Variants in MYO18B observed in about 807,000 individuals in gnomAD.
The protein encoded by MYO18B is myosin XVIIIB, also known as unconventional myosin-XVIIIb.
In MYO18B, 204 loss-of-function variants were observed where a neutral mutation model predicts 273.0. That is an observed-to-expected ratio of 0.75 (90% CI 0.67 to 0.84). The LOEUF is 0.84. MYO18B is among the 40% of genes least tolerant of loss of function. The pLI, the probability that MYO18B is intolerant of heterozygous loss-of-function variation, is 0.00. For synonymous variants in MYO18B, 1,330 were observed against 1,305.7 expected, an observed-to-expected ratio of 1.02 and a Z score of -0.40; for missense variants, 3,212 against 3,287.6, an observed-to-expected ratio of 0.98 and a Z score of 0.56.
rs398036691 is a variant in MYO18B at position 25,814,294 on chromosome 22, C to CTTTTTTTTTTTTTTTTTTTT, written c.2522-9187_2522-9168dup. ...GCTTGCCATGCTCCCAGGCACCGTTCTTTTTTTTTTTTTTTTTTTTTTTTT... is the reference window on the plus strand; with the variant it reads ...GCTTGCCATGCTCCCAGGCACCGTTCTTTTTTTTTTTTTTTTTTTTTTTTTTTTTTTTTTTTTTTTTTTTT... On this transcript the variant is annotated intron_variant, in intron 12 of 43. Transcript: ENST00000335473. Among the ~76,000 whole-genome samples, 5 of 59,432 alleles carry CTTTTTTTTTTTTTTTTTTTT rather than the reference C, an allele frequency of 8.4e-5. 1 individual carries two copies. The highest frequency in any genetic ancestry group is 6.4e-4 in the South Asian group (1 of 1,560). 39.0% of individuals were successfully genotyped at this position (59,432 alleles called of 152,430 possible).
At chr22:25,904,648 A>G (rs781755196) in intron 31 of MYO18B, among the ~76,000 whole-genome samples, 3 of 152,246 alleles carry the variant, frequency 2.0e-5, no homozygotes, top group Non-Finnish European at 4.4e-5. Flanking sequence ...TCTGCAAAGT[A>G]CCAGATGAAT....
At chr22:25,764,735 G>A (rs1394918525) in intron 3 of MYO18B, among the ~76,000 whole-genome samples, 2 of 152,320 alleles carry the variant, frequency 1.3e-5, no homozygotes, top group East Asian at 1.9e-4. Flanking sequence ...AGTTGACCCC[G>A]GCAGGCTGTT....
At chr22:25,808,842 T>C (rs556149325) in intron 12 of MYO18B, among the ~76,000 whole-genome samples, 2 of 152,260 alleles carry the variant, frequency 1.3e-5, no homozygotes, top group South Asian at 4.1e-4. Context: ...TGAACTTGAG[T>C]ATTTAAAGCT....
At chr22:25,864,316 C>G (rs1401040999) in intron 21 of MYO18B, among the ~76,000 whole-genome samples, 3 of 152,138 alleles carry the variant, frequency 2.0e-5, no homozygotes, top group African/African-American at 7.2e-5. Context: ...AGTATTGAAC[C>G]TGTGGTTGTT....
At chr22:25,776,657 C>T (rs1308731691) in intron 7 of MYO18B, among the ~76,000 whole-genome samples, 2 of 152,160 alleles carry the variant, frequency 1.3e-5, no homozygotes, top group Non-Finnish European at 2.9e-5. Context: ...TCCTAGTTCA[C>T]TAGTTGAAGG....
intron 42 of MYO18B, chr22:26,006,657 C>T (rs1004535): frequency 0.25 from 37,993 of 154,510 alleles, 5,157 homozygotes; most frequent in Middle Eastern, 0.31. Context: ...AAATAATATT[C>T]CAATTCTTTA....
Position 25,843,848 on chromosome 22 carries a change from A to T in MYO18B, c.3322A>T (p.Asn1108Tyr). The T allele has an allele frequency of 6.2e-7, 1 of 1,613,528 alleles. No individual in the cohort carries two copies. The highest frequency in any genetic ancestry group is 8.5e-7 in the Non-Finnish European group (1 of 1,179,504). The change falls in exon 18 of 44, where the codon AAC (asparagine) becomes TAC (tyrosine). Residue 1108 changes from asparagine to tyrosine, a missense_variant. Asn to Tyr is a moderately radical substitution (Grantham distance 143). Transcript: ENST00000335473. ...LTGWLHRAKP[N>Y]LSALDAPQVL... The stretch of plus-strand genomic sequence containing the variant: ...GGGCTGGCTCCACAGAGCCAAGCCC[A>T]ACCTCTCGGCCCTGGATGCACCCCA...
At chr22:25,882,696 C>T (rs1251787745) in intron 25 of MYO18B, among the ~76,000 whole-genome samples, 1 of 152,130 alleles carries the variant, frequency 6.6e-6, no homozygotes, top group African/African-American at 2.4e-5. Flanking sequence ...CTTCATCTTC[C>T]CCAACTTCCA....
intron 1 of MYO18B, among the ~76,000 whole-genome samples, chr22:25,758,139 G>T (rs927579700): frequency 2.6e-5 from 4 of 151,982 alleles, no homozygotes; most frequent in Admixed American, 6.6e-5. Flanking sequence ...TCAGCATCCC[G>T]AATAGCTGGG....
chr22:25,921,458 G>A (rs1204861390), intron 34 of MYO18B, 49 bp downstream of exon 34: 26 of 1,562,278 alleles, frequency 1.7e-5, no homozygotes, highest in Middle Eastern at 2.0e-4. Context: ...AGGATGCTAC[G>A]ACCTGCAGAG....
intron 21 of MYO18B, among the ~76,000 whole-genome samples, chr22:25,852,750 G>A (rs1445822273): frequency 6.6e-6 from 1 of 152,166 alleles, no homozygotes; most frequent in African/African-American, 2.4e-5. Context: ...CAATTCCAGG[G>A]GAGGATAGTT....
intron 39 of MYO18B, among the ~76,000 whole-genome samples, chr22:25,962,194 C>A (rs2092925064): frequency 6.6e-6 from 1 of 152,186 alleles, no homozygotes; most frequent in Non-Finnish European, 1.5e-5. Context: ...CTCATGCATC[C>A]TGCTGCCTGC....
intron 3 of MYO18B, among the ~76,000 whole-genome samples, chr22:25,765,975 T>G (rs2086491393): frequency 6.6e-6 from 1 of 152,216 alleles, no homozygotes; most frequent in East Asian, 1.9e-4. Context: ...TACTCGGCCT[T>G]GGGCCCCAGA....
intron 40 of MYO18B, among the ~76,000 whole-genome samples, chr22:25,996,336 G>A (rs571455802): frequency 2.0e-4 from 30 of 152,292 alleles, no homozygotes; most frequent in East Asian, 1.9e-4. Flanking sequence ...CACCTGTTGC[G>A]TGCGAGATGC....
chr22:25,754,918 T>G (rs879598432), intron 1 of MYO18B, among the ~76,000 whole-genome samples: 33 of 152,190 alleles, frequency 2.2e-4, no homozygotes, highest in Non-Finnish European at 4.1e-4. Flanking sequence ...GGATTCCCCC[T>G]GGAGCCCGAA....
rs781166616 is a variant in MYO18B, at chr22:25,992,524, C to T, written c.6287+31C>T. Reference sequence around the variant, plus strand: ...TTGCTAGGGGCTCGGCGGGGCTGGGCGCAGCAGGTGGGCGGCATCCTGGGG... The same window carrying T: ...TTGCTAGGGGCTCGGCGGGGCTGGGTGCAGCAGGTGGGCGGCATCCTGGGG... On this transcript the variant is annotated intron_variant, in intron 40 of 43. Transcript: ENST00000335473. 29 of 1,612,426 alleles carry T rather than the reference C, an allele frequency of 1.8e-5. No individual in the cohort carries two copies. The Admixed American group carries it at 3.2e-4, about 18-fold the overall frequency.
At chr22:25,874,258 A>G in intron 22 of MYO18B, 28 bp from the exon 23 acceptor site, 1 of 1,612,156 alleles carries the variant, frequency 6.2e-7, no homozygotes, top group Non-Finnish European at 8.5e-7. Context: ...TCAGCAGAGG[A>G]CTCACCTGAA....
intron 29 of MYO18B, chr22:25,899,487 T>C (rs1478165610): frequency 6.6e-6 from 1 of 152,212 alleles, no homozygotes; most frequent in African/African-American, 2.4e-5. Context: ...GGAAGGAGAA[T>C]TATATTTCCA....
intron 11 of MYO18B, among the ~76,000 whole-genome samples, chr22:25,795,472 A>G (rs1441849819): frequency 6.6e-6 from 1 of 152,198 alleles, no homozygotes; most frequent in Non-Finnish European, 1.5e-5. Context: ...CACACAAGCT[A>G]CCTGGTAGAT....
Sources: allele counts gnomAD v4.1 joint callset (sites outside exome capture counted in the v4.1 genomes callset), GRCh38; gene constraint gnomAD v4.1.1; transcripts MANE v1.5; gene names NCBI Gene and HGNC (gene_info 2026-07-23, HGNC 2026-07-21).